PTPRD: variants seen among roughly 807,000 people sequenced by gnomAD.
PTPRD encodes protein tyrosine phosphatase receptor type D.
A neutral mutation model predicts 214.5 loss-of-function variants in PTPRD; 34 were observed. The observed-to-expected ratio is 0.16, with a 90% confidence interval of 0.12 to 0.21. PTPRD has a LOEUF of 0.21. PTPRD is among the 10% of genes least tolerant of loss of function. PTPRD has a pLI of 1.00. For synonymous variants in PTPRD, 1,128 were observed against 845.7 expected (o/e 1.33, Z -5.79); for missense variants, 2,545 against 2,398.7 (o/e 1.06, Z -1.27).
intron 8 of PTPRD, among the ~76,000 whole-genome samples, chr9:9,427,052 C>T (rs568147793): frequency 2.0e-4 from 30 of 152,260 alleles, no homozygotes; most frequent in Admixed American, 5.2e-4. Flanking sequence ...CAAAGCTGAA[C>T]GGAGAATGAC....
intron 39 of PTPRD, among the ~76,000 whole-genome samples, chr9:8,347,035 A>C (rs2074025073): frequency 6.6e-6 from 1 of 151,930 alleles, no homozygotes; most frequent in Admixed American, 6.6e-5. Flanking sequence ...TGAGCTTGGT[A>C]CTCTCTGGGG....
intron 4 of PTPRD, among the ~76,000 whole-genome samples, chr9:9,976,242 G>C (rs879451083): frequency 6.6e-6 from 1 of 151,906 alleles, no homozygotes; most frequent in Non-Finnish European, 1.5e-5. Context: ...CCCCCTCCCA[G>C]TTTACAAAAT....
chr9:9,141,380 C>A (rs1336699437), intron 10 of PTPRD, among the ~76,000 whole-genome samples: 1 of 151,982 alleles, frequency 6.6e-6, no homozygotes, highest in Non-Finnish European at 1.5e-5. Context: ...TGTTTTAATG[C>A]AGTGAAATTG....
At chr9:10,483,540 T>C (rs2099113855) in intron 2 of PTPRD, among the ~76,000 whole-genome samples, 1 of 151,940 alleles carries the variant, frequency 6.6e-6, no homozygotes, top group Admixed American at 6.6e-5. Flanking sequence ...GACAAAAGAC[T>C]AATATCCAGC....
intron 10 of PTPRD, among the ~76,000 whole-genome samples, chr9:9,154,811 C>G (rs1261799627): frequency 6.6e-6 from 1 of 151,784 alleles, no homozygotes; most frequent in South Asian, 2.1e-4. Flanking sequence ...GTTTATGTGG[C>G]CTTTTAAAAA....
chr9:8,958,674 T>C (rs1468397227), intron 11 of PTPRD: 1 of 151,984 alleles, frequency 6.6e-6, no homozygotes, highest in East Asian at 1.9e-4. Flanking sequence ...GAATTGAGCC[T>C]AGTTATTTCT....
intron 21 of PTPRD, among the ~76,000 whole-genome samples, chr9:8,509,506 C>A (rs1538192): frequency 6.6e-6 from 1 of 152,062 alleles, no homozygotes; most frequent in African/African-American, 2.4e-5. Flanking sequence ...CCAAACCGGA[C>A]TACAGTATGG....
rs1020793281 is a variant in PTPRD, at chr9:8,617,569, C to A, written c.352+15748G>T. ...ATATTTGAGTCCCTTCTCTGTAGCA[C>A]CTCTTGTCTAAGTACTGGGATAAGC... On this transcript the variant is annotated intron_variant, in intron 14 of 45. Coordinates refer to ENST00000381196, the MANE Select transcript of PTPRD (RefSeq NM_002839.4). Among the ~76,000 whole-genome samples, 4 of 152,052 alleles carry A rather than the reference C, an allele frequency of 2.6e-5. No individual in the cohort carries two copies. The East Asian group carries it at 5.8e-4, about 22-fold the overall frequency.
rs549909082 is a variant in PTPRD at position 8,555,801 on chromosome 9, G to A, written c.353-27022C>T. 2.4e-4 allele frequency among the ~76,000 whole-genome samples: 37 copies of A among 152,112 alleles called. No homozygotes were observed. In the East Asian group the frequency reaches 6.6e-3, roughly 27 times the overall value. ...CTACACGTGTAGGGGAAGCACTGGA[G>A]CACAGATTGCAGATGGACTGAAAGT... On this transcript the variant is annotated intron_variant, in intron 14 of 45. Transcript: ENST00000381196.
At chr9:9,632,783 G>C (rs1230586628) in intron 7 of PTPRD, among the ~76,000 whole-genome samples, 1 of 152,194 alleles carries the variant, frequency 6.6e-6, no homozygotes, top group South Asian at 2.1e-4. Flanking sequence ...TATAAATATA[G>C]ATAAAGATAA....
chr9:9,225,174 C>G (rs2099958626), intron 9 of PTPRD, among the ~76,000 whole-genome samples: 1 of 151,888 alleles, frequency 6.6e-6, no homozygotes, highest in Non-Finnish European at 1.5e-5. Context: ...AAGGGGAAGG[C>G]TGAACTAAGA....
chr9:9,631,379 T>C (rs1325562984), intron 7 of PTPRD, among the ~76,000 whole-genome samples: 1 of 152,122 alleles, frequency 6.6e-6, no homozygotes, highest in Non-Finnish European at 1.5e-5. Flanking sequence ...TCTACATCAA[T>C]AGTTTCTTTT....
At chr9:9,723,483 C>G (rs1039313190) in intron 7 of PTPRD, among the ~76,000 whole-genome samples, 9 of 151,878 alleles carry the variant, frequency 5.9e-5, no homozygotes, top group African/African-American at 1.7e-4. Context: ...CTACTTTGTT[C>G]TTTTTTAAAG....
At chr9:9,732,751 G>T (rs1041446298) in intron 7 of PTPRD, among the ~76,000 whole-genome samples, 1 of 151,920 alleles carries the variant, frequency 6.6e-6, no homozygotes, top group African/African-American at 2.4e-5. Context: ...CTCATTTTGC[G>T]GCTAAATATT....
chr9:9,341,910 G>A (rs936810535), intron 9 of PTPRD, among the ~76,000 whole-genome samples: 1 of 152,096 alleles, frequency 6.6e-6, no homozygotes, highest in African/African-American at 2.4e-5. Context: ...CTGGGTTCAA[G>A]TGATTCTCCT....
intron 3 of PTPRD, among the ~76,000 whole-genome samples, chr9:10,170,924 C>T (rs760231678): frequency 6.6e-6 from 1 of 152,114 alleles, no homozygotes; most frequent in African/African-American, 2.4e-5. Flanking sequence ...ACCCTCATTA[C>T]TCTTCTCCAC....
chr9:10,417,583 G>T (rs2098504080), intron 2 of PTPRD, among the ~76,000 whole-genome samples: 1 of 151,668 alleles, frequency 6.6e-6, no homozygotes, highest in Non-Finnish European at 1.5e-5. Context: ...ATATTTATTT[G>T]CCTTATAATA....
chr9:10,375,387 C>T (rs1192720464), intron 2 of PTPRD, among the ~76,000 whole-genome samples: 1 of 151,954 alleles, frequency 6.6e-6, no homozygotes, highest in Non-Finnish European at 1.5e-5. Flanking sequence ...GGTTCAATTT[C>T]CCAAGTTACA....
chr9:9,764,944 C>T (rs1388002903), intron 6 of PTPRD, among the ~76,000 whole-genome samples: 2 of 152,158 alleles, frequency 1.3e-5, no homozygotes, highest in African/African-American at 4.8e-5. Context: ...GAGGTTGAAG[C>T]TGCACATCCA....
Sources: allele counts gnomAD v4.1 joint callset (sites outside exome capture counted in the v4.1 genomes callset), GRCh38; gene constraint gnomAD v4.1.1; transcripts MANE v1.5; gene names NCBI Gene and HGNC (gene_info 2026-07-23, HGNC 2026-07-21).